The following SLC10A2 variants were observed in gnomAD, a reference collection of about 807,000 sequenced individuals.
SLC10A2 encodes the protein ileal sodium/bile acid cotransporter.
A neutral mutation model predicts 27.1 loss-of-function variants in SLC10A2; 34 were observed. That is an observed-to-expected ratio of 1.26 (90% confidence interval 0.96 to 1.67). The LOEUF (loss-of-function observed/expected upper bound fraction) is 1.67, where lower values mean the gene tolerates loss of function less well. SLC10A2 is among the 40% of genes most tolerant of loss of function. SLC10A2 has a pLI of 0.00. For missense variants in SLC10A2, 530 were observed against 444.4 expected, an observed-to-expected ratio of 1.19 and a Z score of -1.73; for synonymous variants, 205 against 174.0, an observed-to-expected ratio of 1.18 and a Z score of -1.40.
intron 2 of SLC10A2, among the ~76,000 whole-genome samples, chr13:103,055,631 T>C (rs1335919269): frequency 6.6e-6 from 1 of 152,228 alleles, no homozygotes; most frequent in African/African-American, 2.4e-5. Context: ...GCAGGGTTAA[T>C]ATCTGTAGAA....
At chr13:103,054,271 C>A (rs3783239) in intron 2 of SLC10A2, among the ~76,000 whole-genome samples, 37,973 of 152,028 alleles carry the variant, frequency 0.25, 4,988 homozygotes, top group African/African-American at 0.32. Flanking sequence ...CATGATTGTA[C>A]GTTTCCTGAG....
At chr13:103,057,917 G>T (rs1445119638) in intron 2 of SLC10A2, among the ~76,000 whole-genome samples, 2 of 151,906 alleles carry the variant, frequency 1.3e-5, no homozygotes, top group Non-Finnish European at 1.5e-5. Context: ...GTGTCTGGAT[G>T]CAAAATCCTA....
chr13:103,055,376 G>A (rs568205354), intron 2 of SLC10A2, among the ~76,000 whole-genome samples: 1 of 152,240 alleles, frequency 6.6e-6, no homozygotes, highest in South Asian at 2.1e-4. Flanking sequence ...GGGGCTCACA[G>A]GTGTTTACTG....
intron 2 of SLC10A2, among the ~76,000 whole-genome samples, chr13:103,053,081 GGTGTGTGTGT>G (rs143709540): frequency 0.098 from 14,171 of 144,992 alleles, 915 homozygotes; most frequent in African/African-American, 0.19. Flanking sequence ...AGCTCACCAA[GGTGTGTGTGT>G]GTGTGTGTGT....
intron 1 of SLC10A2, among the ~76,000 whole-genome samples, chr13:103,063,312 C>G (rs1595443109): frequency 6.6e-6 from 1 of 152,082 alleles, no homozygotes; most frequent in East Asian, 1.9e-4. Flanking sequence ...GTTTCTTCTC[C>G]CAAGAACCAT....
intron 5 of SLC10A2, among the ~76,000 whole-genome samples, chr13:103,047,247 G>C (rs749889227): frequency 6.6e-6 from 1 of 152,160 alleles, no homozygotes; most frequent in Non-Finnish European, 1.5e-5. Context: ...ACAGCTGAGA[G>C]AGATAATGAC....
chr13:103,048,401 G>GA (rs141410842), intron 5 of SLC10A2, among the ~76,000 whole-genome samples: 197 of 130,486 alleles, frequency 1.5e-3, no homozygotes, highest in African/African-American at 4.1e-3. Context: ...AAAAAAAAAA[G>GA]AAAAAAAAAG....
chr13:103,063,065 G>A (rs1876171376), intron 1 of SLC10A2, among the ~76,000 whole-genome samples: 1 of 152,130 alleles, frequency 6.6e-6, no homozygotes, highest in Non-Finnish European at 1.5e-5. Context: ...GATGCTTTTT[G>A]TGCATGTGAT....
At chr13:103,047,319 T>C (rs1194837535) in intron 5 of SLC10A2, among the ~76,000 whole-genome samples, 4 of 152,148 alleles carry the variant, frequency 2.6e-5, no homozygotes, top group African/African-American at 7.2e-5. Flanking sequence ...CCTGAACTTC[T>C]AGTCATATAT....
Position 103,052,680 on chromosome 13 carries a change from A to G in SLC10A2, c.525T>C (p.Pro175=). 17 of 1,611,926 alleles carry G rather than the reference A, an allele frequency of 1.1e-5. No individual in the cohort carries two copies. Among genetic ancestry groups the G allele is most frequent in the Non-Finnish European group, 1.4e-5 (17 of 1,178,032 alleles). Reference sequence around the variant, plus strand: ...GATTAACAAACATTCCAATGGAAACAGGAACAACGAGAGAAACCAGAGATG... The same window carrying G: ...GATTAACAAACATTCCAATGGAAACGGGAACAACGAGAGAAACCAGAGATG... ...IGTSLVSLVV[P]VSIGMFVNHK... The change falls in exon 3 of 6, where the codon CCT becomes CCC. Residue 175 remains proline, a synonymous_variant. Coordinates refer to ENST00000245312, the MANE Select transcript of SLC10A2 (RefSeq NM_000452.3).
intron 2 of SLC10A2, among the ~76,000 whole-genome samples, chr13:103,053,769 C>A (rs1457453879): frequency 2.0e-5 from 3 of 151,998 alleles, no homozygotes; most frequent in Non-Finnish European, 2.9e-5. Context: ...AGTCTTCTAG[C>A]CCTCCTGGCA....
Position 103,046,013 on chromosome 13 carries a change from A to G in SLC10A2, c.*120T>C, listed in dbSNP as rs2301157. On this transcript the variant is annotated 3_prime_UTR_variant, in exon 6 of 6. Coordinates refer to ENST00000245312, the MANE Select transcript of SLC10A2 (RefSeq NM_000452.3). ...TACTGAAACCAATACATGAATTCCAATGAAATTCCAATTTTCACTTTAACT... is the reference window on the plus strand; with the variant it reads ...TACTGAAACCAATACATGAATTCCAGTGAAATTCCAATTTTCACTTTAACT... 0.54 allele frequency: 664,500 copies of G among 1,242,032 alleles called. 181,185 individuals carry two copies. The highest frequency in any genetic ancestry group is 0.59 in the South Asian group (45,711 of 77,572). 76.9% of individuals were successfully genotyped at this position (1,242,032 alleles called of 1,614,324 possible). A position where few individuals can be genotyped will look rare whatever the true frequency, so the allele number is the denominator to read the frequency against.
At chr13:103,057,071 A>G (rs964910823) in intron 2 of SLC10A2, among the ~76,000 whole-genome samples, 11 of 152,220 alleles carry the variant, frequency 7.2e-5, no homozygotes, top group Admixed American at 6.5e-4. Flanking sequence ...CAGGTGGCTT[A>G]TCATTTAGCC....
chr13:103,049,557 G>A, intron 4 of SLC10A2, 111 bp from the exon 5 acceptor site: 1 of 1,081,212 alleles, frequency 9.2e-7, no homozygotes, highest in Non-Finnish European at 1.4e-6. Context: ...TGCTTTTAAT[G>A]CATGTATTTA....
intron 1 of SLC10A2, among the ~76,000 whole-genome samples, chr13:103,061,969 T>G (rs9518915): frequency 0.077 from 11,656 of 152,172 alleles, 603 homozygotes; most frequent in African/African-American, 0.14. Flanking sequence ...TGAATTTATA[T>G]TAGACTGACA....
chr13:103,055,139 A>G (rs1257522255), intron 2 of SLC10A2, among the ~76,000 whole-genome samples: 1 of 151,830 alleles, frequency 6.6e-6, no homozygotes, highest in African/African-American at 2.4e-5. Flanking sequence ...AAATCATTGA[A>G]CCCCTCTGAG....
At chr13:103,061,793 A>G (rs9300782) in intron 1 of SLC10A2, among the ~76,000 whole-genome samples, 132,609 of 152,184 alleles carry the variant, frequency 0.87, 57,962 homozygotes, top group Non-Finnish European at 0.91. Flanking sequence ...TTGAATGAAT[A>G]TAAGAACAAA....
In SLC10A2 at chr13:103,046,295, T is replaced by G. The variant is rs368860138; in HGVS notation, c.920-35A>C. ...AATACACAGACAGTTAAGTAAATTT[T>G]ATAATAATAAACTGCAAAATTACTT... On this transcript the variant is annotated intron_variant, in intron 5 of 5. Transcript: ENST00000245312. The G allele has an allele frequency of 7.7e-6, 12 of 1,549,334 alleles. No individual in the cohort carries two copies. In the African/African-American group the frequency reaches 1.7e-4, roughly 21 times the overall value.
In SLC10A2 at chr13:103,044,735, G is replaced by A. The variant is rs1302747693; in HGVS notation, c.*1398C>T. The stretch of plus-strand genomic sequence containing the variant: ...AAAACACTTGAAATAGACTCTATGA[G>A]GCAGTGAAAATACCCAATGCAAAAT... On this transcript the variant is annotated 3_prime_UTR_variant, in exon 6 of 6. Coordinates refer to ENST00000245312, the MANE Select transcript of SLC10A2 (RefSeq NM_000452.3). The A allele has an allele frequency of 6.6e-6, 1 of 152,132 alleles. No individual in the cohort carries two copies. Among genetic ancestry groups the A allele is most frequent in the African/African-American group, 2.4e-5 (1 of 41,410 alleles). 9.4% of individuals were successfully genotyped at this position (152,132 alleles called of 1,614,324 possible).
Sources: gnomAD v4.1 joint callset for allele counts (sites outside exome capture counted in the v4.1 genomes callset) on GRCh38, gnomAD v4.1.1 for gene constraint, MANE v1.5 for transcripts, NCBI Gene and HGNC (gene_info 2026-07-23, HGNC 2026-07-21) for gene names.